Variants in ATG10 observed in about 807,000 individuals in gnomAD.
The protein encoded by ATG10 is autophagy related 10, also known as ubiquitin-like-conjugating enzyme ATG10.
ATG10 carries 30 observed loss-of-function variants against 32.1 expected under a neutral mutation model. The observed-to-expected ratio is 0.94, with a 90% confidence interval of 0.70 to 1.27. ATG10 has a LOEUF of 1.27. Ranked by LOEUF, ATG10 falls within the 50% of genes most tolerant of loss-of-function variation. The pLI, the probability that ATG10 is intolerant of heterozygous loss-of-function variation, is 0.00. For synonymous variants in ATG10, 87 were observed against 91.5 expected, an observed-to-expected ratio of 0.95 and a Z score of 0.28; for missense variants, 233 against 262.3, an observed-to-expected ratio of 0.89 and a Z score of 0.77.
intron 2 of ATG10, among the ~76,000 whole-genome samples, chr5:81,997,596 T>G (rs1761707978): frequency 6.6e-6 from 1 of 152,202 alleles, no homozygotes; most frequent in South Asian, 2.1e-4. Context: ...TCATTGAGAT[T>G]CAGAAGGAAA....
At chr5:82,159,427 G>A (rs1743211113) in intron 3 of ATG10, among the ~76,000 whole-genome samples, 1 of 152,162 alleles carries the variant, frequency 6.6e-6, no homozygotes, top group Admixed American at 6.5e-5. Flanking sequence ...GCACCAACAG[G>A]AAGTGTATTG....
intron 2 of ATG10, among the ~76,000 whole-genome samples, chr5:82,046,336 G>A (rs1443424288): frequency 6.6e-6 from 1 of 152,112 alleles, no homozygotes; most frequent in African/African-American, 2.4e-5. Flanking sequence ...AATCCAATAC[G>A]ACTGGTATCT....
At chr5:82,113,455 C>T (rs1765678999) in intron 3 of ATG10, among the ~76,000 whole-genome samples, 1 of 151,810 alleles carries the variant, frequency 6.6e-6, no homozygotes, top group African/African-American at 2.4e-5. Context: ...CATGTTCATC[C>T]TGTTAATAAA....
At chr5:82,044,393 A>G (rs1763175072) in intron 2 of ATG10, among the ~76,000 whole-genome samples, 1 of 152,202 alleles carries the variant, frequency 6.6e-6, no homozygotes, top group Admixed American at 6.5e-5. Flanking sequence ...ACACAAATCC[A>G]AACTATATCA....
At chr5:82,060,336 C>T (rs1225910555) in intron 3 of ATG10, among the ~76,000 whole-genome samples, 2 of 152,128 alleles carry the variant, frequency 1.3e-5, no homozygotes, top group South Asian at 2.1e-4. Context: ...TCTATTAATA[C>T]ATCTTATTTT....
At chr5:82,192,469 G>C (rs1744701087) in intron 5 of ATG10, among the ~76,000 whole-genome samples, 1 of 152,156 alleles carries the variant, frequency 6.6e-6, no homozygotes, top group Admixed American at 6.5e-5. Context: ...CAACAGGTTA[G>C]GGGTTGGGCT....
intron 3 of ATG10, among the ~76,000 whole-genome samples, chr5:82,088,060 AG>A (rs1402481471): frequency 6.6e-6 from 1 of 152,216 alleles, no homozygotes; most frequent in Non-Finnish European, 1.5e-5. Flanking sequence ...GACTCATTTC[AG>A]TGGTGTTGCC....
At chr5:82,190,554 C>T (rs893010366) in intron 5 of ATG10, among the ~76,000 whole-genome samples, 5 of 151,510 alleles carry the variant, frequency 3.3e-5, no homozygotes, top group African/African-American at 4.8e-5. Context: ...GGGCGGATCA[C>T]GAGGTCAAGA....
intron 5 of ATG10, among the ~76,000 whole-genome samples, chr5:82,233,583 C>T (rs1175641050): frequency 6.6e-6 from 1 of 152,166 alleles, no homozygotes; most frequent in South Asian, 2.1e-4. Context: ...CATTGCCAGC[C>T]CATGGGACTA....
At chr5:82,027,825 T>G (rs969683770) in intron 2 of ATG10, among the ~76,000 whole-genome samples, 7 of 152,226 alleles carry the variant, frequency 4.6e-5, no homozygotes, top group Non-Finnish European at 4.4e-5. Context: ...TAGCTCTTTT[T>G]TTTTCCTCAG....
chr5:82,245,199 ACT>A (rs953083204), intron 5 of ATG10, among the ~76,000 whole-genome samples: 7 of 152,032 alleles, frequency 4.6e-5, no homozygotes, highest in African/African-American at 1.7e-4. Context: ...TTTTTAAAAA[ACT>A]CTAACACATA....
chr5:82,216,231 T>C (rs1745674500), intron 5 of ATG10, among the ~76,000 whole-genome samples: 1 of 152,226 alleles, frequency 6.6e-6, no homozygotes, highest in Admixed American at 6.5e-5. Context: ...CCTTGTCTGC[T>C]TCAGAGTAAA....
chr5:82,178,424 G>T, intron 4 of ATG10, 66 bp from the exon 5 acceptor site: 2 of 951,928 alleles, frequency 2.1e-6, no homozygotes, highest in East Asian at 2.4e-5. Flanking sequence ...AGGAGTTTTA[G>T]ATTGACACCA....
At chr5:82,152,295 T>G (rs116770995) in intron 3 of ATG10, among the ~76,000 whole-genome samples, 2,678 of 152,350 alleles carry the variant, frequency 0.018, 32 homozygotes, top group African/African-American at 0.036. Flanking sequence ...GCCCCAGGAC[T>G]ACTGAGCATA....
At chr5:82,092,247 A>G (rs1764912410) in intron 3 of ATG10, among the ~76,000 whole-genome samples, 1 of 152,214 alleles carries the variant, frequency 6.6e-6, no homozygotes, top group African/African-American at 2.4e-5. Flanking sequence ...AACAAGATTG[A>G]ATACTACATT....
intron 1 of ATG10, among the ~76,000 whole-genome samples, chr5:81,983,956 A>G (rs954221353): frequency 6.7e-6 from 1 of 149,346 alleles, no homozygotes; most frequent in South Asian, 2.1e-4. Flanking sequence ...GCGGCCGGGA[A>G]GAGGCGCTCC....
At chr5:82,221,003 G>A (rs1017470163) in intron 5 of ATG10, among the ~76,000 whole-genome samples, 7 of 151,972 alleles carry the variant, frequency 4.6e-5, no homozygotes, top group Admixed American at 2.6e-4. Context: ...GTGATCCACC[G>A]TCCTTGGCTT....
At chr5:82,186,034 T>C (rs1389686279) in intron 5 of ATG10, among the ~76,000 whole-genome samples, 1 of 152,198 alleles carries the variant, frequency 6.6e-6, no homozygotes, top group Non-Finnish European at 1.5e-5. Context: ...ATGACATCAA[T>C]TTAGTGCACC....
At chr5:81,973,419 C>G (rs1331686763) in intron 1 of ATG10, 1 of 152,230 alleles carries the variant, frequency 6.6e-6, no homozygotes, top group Non-Finnish European at 1.5e-5. Context: ...TCAGCCACCG[C>G]GCCCGGCCAA....
Sources: allele counts gnomAD v4.1 joint callset (sites outside exome capture counted in the v4.1 genomes callset), GRCh38; gene constraint gnomAD v4.1.1; transcripts MANE v1.5; gene names NCBI Gene and HGNC (gene_info 2026-07-23, HGNC 2026-07-21).